Variants in ZNF462 observed in about 807,000 individuals in gnomAD.
ZNF462 encodes the protein zinc finger PBX1-interacting protein.
A neutral mutation model predicts 201.9 loss-of-function variants in ZNF462; 10 were observed. The observed-to-expected ratio is 0.05, with a 90% CI of 0.03 to 0.08. The LOEUF (loss-of-function observed/expected upper bound fraction) is 0.08. ZNF462 is among the 10% of genes least tolerant of loss of function. The pLI is 1.00. For missense variants in ZNF462, 2,523 were observed against 3,168.3 expected (o/e 0.80, Z 4.89); for synonymous variants, 1,227 against 1,193.3 (o/e 1.03, Z -0.58).
In ZNF462 at chr9:106,932,483, C is replaced by A. The variant is rs1369190540; in HGVS notation, c.6050C>A (p.Ala2017Asp). 7 of 1,614,094 alleles carry A rather than the reference C, an allele frequency of 4.3e-6. No individual in the cohort carries two copies. The highest frequency in any genetic ancestry group is 5.9e-6 in the Non-Finnish European group (7 of 1,180,044). Reference protein sequence around the residue: ...RSHERSHLALAMFTREDKYSC... With the variant: ...RSHERSHLALDMFTREDKYSC... ...CATGAGAGGAGCCACCTGGCCCTGG[C>A]CATGTTTACCCGCGAGGACAAGTAC... The change falls in exon 5 of 13, where the codon GCC (alanine) becomes GAC (aspartate). Residue 2017 changes from alanine to aspartate, a missense_variant. Coordinates refer to ENST00000277225, the MANE Select transcript of ZNF462 (RefSeq NM_021224.6). The surrounding 1 kb of genome is among the most constrained non-coding windows in gnomAD (Gnocchi z 6.8).
chr9:106,869,914 AT>A (rs916143117), intron 1 of ZNF462, among the ~76,000 whole-genome samples: 92 of 150,250 alleles, frequency 6.1e-4, no homozygotes, highest in African/African-American at 3.9e-4. Flanking sequence ...GCTCTTTTGG[AT>A]TTTTTTTTTC....
rs894275801 is a variant in ZNF462 at position 106,978,465 on chromosome 9, A to G, written c.6832+4192A>G. ...AAATTCTGATCAGGTTACTGATGAG[A>G]CACTTATTGAATACTAATTTAGCAA... On this transcript the variant is annotated intron_variant, in intron 9 of 12. Transcript: ENST00000277225. The surrounding 1 kb of genome is among the most constrained non-coding windows in gnomAD (Gnocchi z 4.1). Among the ~76,000 whole-genome samples the G allele has an allele frequency of 1.3e-5, 2 of 151,620 alleles. No homozygotes were observed. The highest frequency in any genetic ancestry group is 6.5e-5 in the Admixed American group (1 of 15,278).
At position 107,005,919 on chromosome 9, in the gene ZNF462, A is replaced by G. The variant is rs1318608894; in HGVS notation, c.7189+2493A>G. Among the ~76,000 whole-genome samples, 1 of 152,150 alleles carries G rather than the reference A, an allele frequency of 6.6e-6. No homozygotes were observed. The highest frequency in any genetic ancestry group is 1.5e-5 in the Non-Finnish European group (1 of 68,020). On this transcript the variant is annotated intron_variant, in intron 11 of 12. Transcript: ENST00000277225. The surrounding 1 kb of genome is among the most constrained non-coding windows in gnomAD (Gnocchi z 4.4). ...TGCATGTGGATATCCACCTGTTCCA[A>G]TACCATTTATTGAAGAGACTGCCCT...
In ZNF462 at chr9:106,927,429, A is replaced by G. The variant is rs773968546; in HGVS notation, c.3517A>G (p.Ile1173Val). 1 of 1,549,040 alleles carries G rather than the reference A, an allele frequency of 6.5e-7. No individual in the cohort carries two copies. The change falls in exon 3 of 13, where the codon ATA (isoleucine) becomes GTA (valine). Residue 1173 changes from isoleucine (I) to valine (V), a missense_variant. Ile to Val is a conservative substitution (Grantham distance 29, BLOSUM62 3). Transcript: ENST00000277225. ...PQGSPRPPAP[I>V]QQLNRSSSER... ...AGGCTCCCCCCGGCCACCCGCCCCC[A>G]TACAACAGCTGAACCGAAGCAGCTC...
At position 106,905,355 on chromosome 9, in the gene ZNF462, C is replaced by A. The variant is rs140392337; in HGVS notation, c.-30-17999C>A. Among the ~76,000 whole-genome samples the A allele has an allele frequency of 6.6e-6, 1 of 152,152 alleles. No homozygotes were observed. Among genetic ancestry groups the A allele is most frequent in the East Asian group, 1.9e-4 (1 of 5,174 alleles). ...AGTGTGCAATGGACTCTCTGAGGGT[C>A]CTTAGCTTTGGTGATTTAATGGTCT... On this transcript the variant is annotated intron_variant, in intron 1 of 12. Coordinates refer to ENST00000277225, the MANE Select transcript of ZNF462 (RefSeq NM_021224.6). The surrounding 1 kb of genome is among the most constrained non-coding windows in gnomAD (Gnocchi z 5.9).
At chr9:106,896,637 C>T (rs1828824952) in intron 1 of ZNF462, among the ~76,000 whole-genome samples, 1 of 152,178 alleles carries the variant, frequency 6.6e-6, no homozygotes, top group Admixed American at 6.5e-5. Flanking sequence ...AGGACAGAAC[C>T]TGTGTCCTCC....
chr9:106,959,548 A>G (rs1215459468), intron 7 of ZNF462, among the ~76,000 whole-genome samples: 1 of 152,118 alleles, frequency 6.6e-6, no homozygotes, highest in African/African-American at 2.4e-5. Flanking sequence ...TGAAGTTGCC[A>G]ATGTTATCTT....
At position 106,962,464 on chromosome 9, in the gene ZNF462, A is replaced by T. The variant is rs1564135230; in HGVS notation, c.6428-9541A>T. 6.6e-6 allele frequency among the ~76,000 whole-genome samples: 1 copy of T among 152,220 alleles called. No homozygotes were observed. Among genetic ancestry groups the T allele is most frequent in the East Asian group, 1.9e-4 (1 of 5,172 alleles). ...CAGGAATCCTCCTTGGCCTCAGGTC[A>T]GACCTGCCTGGATTCCTCAAAAATA... On this transcript the variant is annotated intron_variant, in intron 7 of 12. Coordinates refer to ENST00000277225, the MANE Select transcript of ZNF462 (RefSeq NM_021224.6). This position sits in a 1 kb window ranked among gnomAD's most constrained non-coding sequence, Gnocchi z 4.6.
chr9:106,894,189 C>CA (rs2131089405), intron 1 of ZNF462, among the ~76,000 whole-genome samples: 1 of 152,350 alleles, frequency 6.6e-6, no homozygotes, highest in South Asian at 2.1e-4. Flanking sequence ...AGGTGGGCTG[C>CA]AAGCCCATGC....
At chr9:106,945,850 G>A (rs1454178028) in intron 7 of ZNF462, among the ~76,000 whole-genome samples, 1 of 152,152 alleles carries the variant, frequency 6.6e-6, no homozygotes, top group African/African-American at 2.4e-5. Context: ...AATCTACAGG[G>A]ATTAAATGTT....
At chr9:106,960,025 A>G (rs1245272429) in intron 7 of ZNF462, among the ~76,000 whole-genome samples, 1 of 152,088 alleles carries the variant, frequency 6.6e-6, no homozygotes, top group Non-Finnish European at 1.5e-5. Flanking sequence ...TAAAAGAAAA[A>G]AAGGGTTAAG....
rs551863172 is a variant in ZNF462 at position 106,971,375 on chromosome 9, A to AC, written c.6428-630_6428-629insC. ...ATGCTGCGATTTCCTTTAAAAAAAAAAACAACAACAACAAAATAAAACAAA... is the reference window on the plus strand; with the variant it reads ...ATGCTGCGATTTCCTTTAAAAAAAAACAACAACAACAACAAAATAAAACAAA... On this transcript the variant is annotated intron_variant, in intron 7 of 12. Coordinates refer to ENST00000277225, the MANE Select transcript of ZNF462 (RefSeq NM_021224.6). Among the ~76,000 whole-genome samples, 3 of 151,172 alleles carry AC rather than the reference A, an allele frequency of 2.0e-5. 1 individual carries two copies. The highest frequency in any genetic ancestry group is 4.2e-4 in the South Asian group (2 of 4,818).
At chr9:106,911,480 TA>T (rs535727339) in intron 1 of ZNF462, among the ~76,000 whole-genome samples, 1 of 151,646 alleles carries the variant, frequency 6.6e-6, no homozygotes, top group Non-Finnish European at 1.5e-5. Flanking sequence ...TGAGAATATG[TA>T]AAAAAAAATT....
rs200116056 is a variant in ZNF462 at position 106,924,840 on chromosome 9, C to T, written c.928C>T (p.Arg310Trp). The T allele has an allele frequency of 5.8e-5, 93 of 1,614,056 alleles. 1 individual carries two copies. The highest frequency in any genetic ancestry group is 6.5e-5 in the Non-Finnish European group (77 of 1,180,054). ...STYLTMNAAS[R>W]EIPNTTVSNF... ...CTATCTGACCATGAATGCTGCAAGC[C>T]GGGAGATACCCAATACTACCGTCTC... The change falls in exon 3 of 13, where the codon CGG becomes TGG. Residue 310 changes from arginine to tryptophan, a missense_variant. Transcript: ENST00000277225. This position sits in a 1 kb window ranked among gnomAD's most constrained non-coding sequence, Gnocchi z 6.2.
chr9:106,995,242 A>G (rs1828616046), intron 10 of ZNF462, among the ~76,000 whole-genome samples: 1 of 152,124 alleles, frequency 6.6e-6, no homozygotes, highest in Non-Finnish European at 1.5e-5. Context: ...GTATGATGGA[A>G]ATATGTTTTC....
At chr9:106,987,437 A>C (rs1261070066) in intron 10 of ZNF462, among the ~76,000 whole-genome samples, 3 of 152,082 alleles carry the variant, frequency 2.0e-5, no homozygotes, top group African/African-American at 7.2e-5. Flanking sequence ...GCATTTTTCC[A>C]TATGTCTGTT....
In ZNF462 at chr9:106,930,432, T is replaced by C; in HGVS notation, c.5848-93T>C. ...CTTGGTTTTTAACCTGCTAATCGGC[T>C]TTAAAATAAAGTATGTTAGTAAACT... On this transcript the variant is annotated intron_variant, in intron 3 of 12. Coordinates refer to ENST00000277225, the MANE Select transcript of ZNF462 (RefSeq NM_021224.6). The surrounding 1 kb of genome is among the most constrained non-coding windows in gnomAD (Gnocchi z 5.8). 1 of 1,514,812 alleles carries C rather than the reference T, an allele frequency of 6.6e-7. No individual in the cohort carries two copies. Among genetic ancestry groups the C allele is most frequent in the Non-Finnish European group, 8.9e-7 (1 of 1,119,350 alleles). 93.8% of individuals were successfully genotyped at this position (1,514,812 alleles called of 1,614,324 possible). A position where few individuals can be genotyped will look rare whatever the true frequency, so the allele number is the denominator to read the frequency against.
chr9:106,969,711 C>T (rs1826492363), intron 7 of ZNF462, among the ~76,000 whole-genome samples: 2 of 152,158 alleles, frequency 1.3e-5, no homozygotes, highest in Admixed American at 6.5e-5. Context: ...ACTGTGACTC[C>T]TTTAAGACCT....
chr9:106,936,537 C>T (rs1830639466), intron 6 of ZNF462, among the ~76,000 whole-genome samples: 1 of 152,178 alleles, frequency 6.6e-6, no homozygotes, highest in Admixed American at 6.5e-5. Flanking sequence ...CCAGTTGCCT[C>T]AAACTCCACT....
Sources: gnomAD v4.1 joint callset for allele counts (sites outside exome capture counted in the v4.1 genomes callset) on GRCh38, gnomAD v4.1.1 for gene constraint, Gnocchi (gnomAD v3.1) non-coding constraint, MANE v1.5 for transcripts, NCBI Gene and HGNC (gene_info 2026-07-23, HGNC 2026-07-21) for gene names.